RBMS3: variants seen among roughly 807,000 people sequenced by gnomAD.
RBMS3 encodes RNA binding motif single stranded interacting protein 3.
RBMS3 carries 27 observed loss-of-function variants against 66.8 expected under a neutral mutation model. The ratio of observed to expected loss-of-function variants is 0.40; its 90% confidence interval spans 0.30 to 0.56. RBMS3 has a LOEUF of 0.56. Among genes scored for constraint, RBMS3 ranks in the 20% least tolerant of loss-of-function variants. RBMS3 has a pLI of 0.40. For synonymous variants in RBMS3, 188 were observed against 183.0 expected (o/e 1.03, Z -0.22); for missense variants, 513 against 549.5 (o/e 0.93, Z 0.66).
chr3:29,753,749 T>C (rs2149369514), intron 5 of RBMS3, among the ~76,000 whole-genome samples: 1 of 152,238 alleles, frequency 6.6e-6, no homozygotes, highest in African/African-American at 2.4e-5. Flanking sequence ...TAATCATATT[T>C]CCTTTTTGAA....
intron 1 of RBMS3, among the ~76,000 whole-genome samples, 171 bp from the exon 2 acceptor site, chr3:29,434,572 C>G (rs372190084): frequency 6.6e-6 from 1 of 151,934 alleles, no homozygotes; most frequent in Non-Finnish European, 1.5e-5. Flanking sequence ...AGGGCCAGGG[C>G]GGGGGACGAT....
At position 29,636,656 on chromosome 3, in the gene RBMS3, T is replaced by C. The variant is rs371770635; in HGVS notation, c.399+49451T>C. 4.6e-5 allele frequency among the ~76,000 whole-genome samples: 7 copies of C among 152,076 alleles called. No homozygotes were observed. In the East Asian group the frequency reaches 9.7e-4, roughly 21 times the overall value. On this transcript the variant is annotated intron_variant, in intron 4 of 14. Coordinates refer to ENST00000383767, the MANE Select transcript of RBMS3 (RefSeq NM_001003793.3). ...TAGCATGTTAGAAGCAAAGTTATTT[T>C]GTATGAGCATTTGTGTTGGAAATAC... is the stretch of plus-strand genomic sequence containing the variant.
chr3:29,964,208 G>A (rs937815315), intron 12 of RBMS3, among the ~76,000 whole-genome samples: 2 of 152,158 alleles, frequency 1.3e-5, no homozygotes, highest in Non-Finnish European at 2.9e-5. Context: ...GAAATTATGT[G>A]AAGTATCTAA....
chr3:29,887,454 C>T (rs1050833496), intron 8 of RBMS3, among the ~76,000 whole-genome samples: 5 of 151,706 alleles, frequency 3.3e-5, no homozygotes, highest in African/African-American at 4.8e-5. Flanking sequence ...AGAGGCTCAT[C>T]CCCCTTTGCT....
intron 3 of RBMS3, among the ~76,000 whole-genome samples, chr3:29,552,134 C>A (rs920818630): frequency 6.6e-6 from 1 of 152,136 alleles, no homozygotes; most frequent in Admixed American, 6.6e-5. Context: ...AATCTTGATA[C>A]AACAAACCAT....
intron 14 of RBMS3, among the ~76,000 whole-genome samples, chr3:29,999,093 G>A (rs1699444118): frequency 1.3e-5 from 2 of 152,014 alleles, no homozygotes; most frequent in African/African-American, 2.4e-5. Flanking sequence ...CCATCAAAAA[G>A]TGGGCAAAGA....
At chr3:29,885,435 G>A (rs912894320) in intron 8 of RBMS3, among the ~76,000 whole-genome samples, 10 of 151,826 alleles carry the variant, frequency 6.6e-5, no homozygotes, top group East Asian at 5.8e-4. Context: ...ATTATATTAC[G>A]TAGTTGGAGA....
rs572089286 is a variant in RBMS3 at position 29,786,310 on chromosome 3, T to C, written c.637+23321T>C. Among the ~76,000 whole-genome samples, 4 of 152,020 alleles carry C rather than the reference T, an allele frequency of 2.6e-5. No homozygotes were observed. In the South Asian group the frequency reaches 6.2e-4, roughly 24 times the overall value. On this transcript the variant is annotated intron_variant, in intron 6 of 14. Transcript: ENST00000383767. ...TGCAATTCCCATCTTAATACCACCATTATTCTTCACAGAACCAGAAAAAAA... is the reference window on the plus strand; with the variant it reads ...TGCAATTCCCATCTTAATACCACCACTATTCTTCACAGAACCAGAAAAAAA...
chr3:29,433,690 A>G (rs575727769), intron 1 of RBMS3, among the ~76,000 whole-genome samples: 1 of 152,346 alleles, frequency 6.6e-6, no homozygotes, highest in African/African-American at 2.4e-5. Context: ...CTAGACAGTC[A>G]GTGTTAGTTG....
intron 6 of RBMS3, among the ~76,000 whole-genome samples, chr3:29,793,241 A>AAT (rs2057073678): frequency 6.6e-6 from 1 of 151,494 alleles, no homozygotes; most frequent in Non-Finnish European, 1.5e-5. Context: ...AAAAAAAAAA[A>AAT]GAAAAAGGAA....
intron 9 of RBMS3, 150 bp downstream of exon 9, chr3:29,897,625 C>T (rs2060155939): frequency 1.5e-6 from 1 of 677,950 alleles, no homozygotes; most frequent in Non-Finnish European, 2.5e-6. Flanking sequence ...TATGAGTTAG[C>T]CTATACTTTC....
chr3:29,883,021 A>G (rs145590129), intron 7 of RBMS3, among the ~76,000 whole-genome samples: 1 of 152,184 alleles, frequency 6.6e-6, no homozygotes, highest in Non-Finnish European at 1.5e-5. Context: ...AAGCCAGGAC[A>G]TTGATGTTGA....
intron 4 of RBMS3, among the ~76,000 whole-genome samples, chr3:29,685,385 G>A (rs2051686538): frequency 6.6e-6 from 1 of 152,110 alleles, no homozygotes; most frequent in South Asian, 2.1e-4. Flanking sequence ...TTTATAGAGG[G>A]AGTTTTAATA....
At chr3:29,351,294 CAT>C (rs2036899129) in intron 1 of RBMS3, among the ~76,000 whole-genome samples, 1 of 152,124 alleles carries the variant, frequency 6.6e-6, no homozygotes, top group Non-Finnish European at 1.5e-5. Context: ...TGCTGTATTA[CAT>C]CAAAGAAATC....
At chr3:29,972,252 A>G (rs547687593) in intron 12 of RBMS3, among the ~76,000 whole-genome samples, 2 of 151,940 alleles carry the variant, frequency 1.3e-5, no homozygotes, top group African/African-American at 4.8e-5. Flanking sequence ...GGGCTTGCAG[A>G]GACTTTTTCA....
At chr3:29,655,130 C>A (rs6795382) in intron 4 of RBMS3, among the ~76,000 whole-genome samples, 46,267 of 151,980 alleles carry the variant, frequency 0.3, 7,368 homozygotes, top group African/African-American at 0.38. Flanking sequence ...TGCCTTCAAA[C>A]GACCAAGGAT....
At chr3:29,361,294 C>T (rs1368569279) in intron 1 of RBMS3, among the ~76,000 whole-genome samples, 1 of 151,782 alleles carries the variant, frequency 6.6e-6, no homozygotes, top group Non-Finnish European at 1.5e-5. Flanking sequence ...TTTTATTTCT[C>T]CTTCACTTAT....
chr3:29,870,853 A>G (rs2059473565), intron 7 of RBMS3, among the ~76,000 whole-genome samples: 1 of 152,172 alleles, frequency 6.6e-6, no homozygotes, highest in African/African-American at 2.4e-5. Flanking sequence ...ATATATATAC[A>G]CATTGAGAGA....
intron 3 of RBMS3, among the ~76,000 whole-genome samples, chr3:29,555,292 C>T (rs2046317575): frequency 6.6e-6 from 1 of 152,182 alleles, no homozygotes; most frequent in South Asian, 2.1e-4. Flanking sequence ...ATGAATAGAA[C>T]ACTAAAGTCC....
Sources: allele counts gnomAD v4.1 joint callset (sites outside exome capture counted in the v4.1 genomes callset), GRCh38; gene constraint gnomAD v4.1.1; transcripts MANE v1.5; gene names NCBI Gene and HGNC (gene_info 2026-07-23, HGNC 2026-07-21).